The following ZNF568 variants were observed in gnomAD, a reference collection of about 807,000 sequenced individuals.
The protein encoded by ZNF568 is zinc finger protein 568.
ZNF568 carries 11 observed loss-of-function variants against 18.1 expected under a neutral mutation model. The observed-to-expected ratio is 0.61, with a 90% CI of 0.38 to 1.00. The LOEUF (loss-of-function observed/expected upper bound fraction) is 1.00. Among genes scored for constraint, ZNF568 ranks in the 50% least tolerant of loss-of-function variants. The pLI is 0.01. For missense variants in ZNF568, 639 were observed against 768.2 expected, an observed-to-expected ratio of 0.83 and a Z score of 1.99; for synonymous variants, 213 against 246.6, an observed-to-expected ratio of 0.86 and a Z score of 1.28.
intron 2 of ZNF568, among the ~76,000 whole-genome samples, chr19:36,986,294 T>C (rs1176487317): frequency 6.6e-6 from 1 of 152,092 alleles, no homozygotes; most frequent in Non-Finnish European, 1.5e-5. Context: ...CCCAGGTCTT[T>C]GTAGTATGGA....
downstream of ZNF568, among the ~76,000 whole-genome samples, chr19:36,957,294 C>T (rs979516284): frequency 7.2e-5 from 10 of 138,224 alleles, no homozygotes; most frequent in African/African-American, 2.7e-4. Flanking sequence ...TGCAGTGGCG[C>T]GATCTCGGCT....
exon 8 of ZNF568, chr19:36,979,401 T>C (rs2074313225): frequency 6.6e-6 from 1 of 152,344 alleles, no homozygotes; most frequent in African/African-American, 2.4e-5. Context: ...AGAAATCCCA[T>C]GTGTGCTTTG....
chr19:36,962,121 G>A (rs891364951), intron 6 of ZNF568, among the ~76,000 whole-genome samples: 1 of 141,450 alleles, frequency 7.1e-6, no homozygotes, highest in East Asian at 2.2e-4. Context: ...GTTGTTTTAT[G>A]TTTTTTTTTT....
At chr19:36,960,632 G>A (rs528390116) in intron 6 of ZNF568, among the ~76,000 whole-genome samples, 1 of 151,922 alleles carries the variant, frequency 6.6e-6, no homozygotes, top group African/African-American at 2.4e-5. Context: ...GGAGGCTGAG[G>A]CAGGAGAATC....
At position 36,952,663 on chromosome 19, in the gene ZNF568, C is replaced by A; in HGVS notation, c.*1575C>A. 2.4e-6 allele frequency: 1 copy of A among 412,962 alleles called. No individual in the cohort carries two copies. Among genetic ancestry groups the A allele is most frequent in the Non-Finnish European group, 3.3e-6 (1 of 306,998 alleles). 25.6% of individuals were successfully genotyped at this position (412,962 alleles called of 1,614,324 possible). On this transcript the variant is annotated 3_prime_UTR_variant, in exon 7 of 7. Transcript: ENST00000333987. ...TGATTAAAAGGAGACTTTAGCTTTGCTTGTAGTTTTTATACCTTAAAAAGA... is the reference window on the plus strand; with the variant it reads ...TGATTAAAAGGAGACTTTAGCTTTGATTGTAGTTTTTATACCTTAAAAAGA...
chr19:36,931,736 A>T (rs2073689853), intron 4 of ZNF568: 1 of 152,202 alleles, frequency 6.6e-6, no homozygotes, highest in African/African-American at 2.4e-5. Context: ...CTTTATTAAC[A>T]TATAAGTCAC....
intron 2 of ZNF568, among the ~76,000 whole-genome samples, chr19:36,989,342 C>G (rs951126626): frequency 2.6e-5 from 4 of 151,976 alleles, no homozygotes; most frequent in Non-Finnish European, 5.9e-5. Flanking sequence ...GCCACCATGC[C>G]CGGCTAATTT....
intron 7 of ZNF568, among the ~76,000 whole-genome samples, chr19:36,977,909 A>G (rs1347873450): frequency 6.6e-6 from 1 of 152,220 alleles, no homozygotes; most frequent in East Asian, 1.9e-4. Flanking sequence ...ATTCACCTGC[A>G]CTTACACTGG....
intron 2 of ZNF568, among the ~76,000 whole-genome samples, chr19:36,918,594 C>A (rs2073394683): frequency 6.6e-6 from 1 of 152,014 alleles, no homozygotes; most frequent in Non-Finnish European, 1.5e-5. Flanking sequence ...ATAAGGAGGA[C>A]CAACTATGTA....
At chr19:36,934,523 T>C (rs908633034) in intron 4 of ZNF568, among the ~76,000 whole-genome samples, 20 of 152,110 alleles carry the variant, frequency 1.3e-4, no homozygotes, top group Admixed American at 6.5e-5. Context: ...GGTTTTACCA[T>C]GTTGCTCAGG....
chr19:36,931,696 A>T (rs566362063), intron 4 of ZNF568: 1 of 152,284 alleles, frequency 6.6e-6, no homozygotes, highest in East Asian at 1.9e-4. Flanking sequence ...CTTTAAACAT[A>T]TTGAAATATA....
At chr19:36,922,557 G>A in intron 2 of ZNF568, 29 bp from the exon 3 acceptor site, 1 of 418,332 alleles carries the variant, frequency 2.4e-6, no homozygotes, top group Non-Finnish European at 4.3e-6. Flanking sequence ...AAGGCACCAG[G>A]TAAATTAGAT....
chr19:36,925,674 A>T (rs1029454755), intron 4 of ZNF568, among the ~76,000 whole-genome samples: 1 of 143,664 alleles, frequency 7.0e-6, no homozygotes, highest in Non-Finnish European at 1.5e-5. Flanking sequence ...GCAAATCAAA[A>T]ATACTTGAAA....
At chr19:36,918,617 T>C (rs994227067) in intron 2 of ZNF568, among the ~76,000 whole-genome samples, 2 of 152,200 alleles carry the variant, frequency 1.3e-5, no homozygotes, top group Non-Finnish European at 2.9e-5. Context: ...CACACATGTA[T>C]ATTTAATTGT....
intron 6 of ZNF568, among the ~76,000 whole-genome samples, chr19:36,960,588 G>GT (rs1424668255): frequency 6.6e-6 from 1 of 151,844 alleles, no homozygotes; most frequent in African/African-American, 2.4e-5. Context: ...AATTAGCTGG[G>GT]GTGGTGGCAC....
intron 6 of ZNF568, among the ~76,000 whole-genome samples, chr19:36,968,785 TAGAG>T (rs1381744926): frequency 1.3e-5 from 2 of 151,110 alleles, no homozygotes; most frequent in African/African-American, 2.4e-5. Flanking sequence ...TTTCAAATGG[TAGAG>T]AGAGAATCAA....
At chr19:36,991,162 AT>A in intron 2 of ZNF568, 1 of 1,525,380 alleles carries the variant, frequency 6.6e-7, no homozygotes, top group Non-Finnish European at 8.7e-7. Flanking sequence ...TGGTGTATTT[AT>A]TTTTGGTTTC....
chr19:36,991,906 G>A (rs1301726961), intron 4 of ZNF568: 13 of 1,377,500 alleles, frequency 9.4e-6, no homozygotes, highest in Non-Finnish European at 9.9e-7. Flanking sequence ...GCTCATCTGT[G>A]AGAAGGCAGC....
intron 6 of ZNF568, among the ~76,000 whole-genome samples, chr19:36,944,947 A>AT (rs1364306282): frequency 6.6e-6 from 1 of 152,120 alleles, no homozygotes; most frequent in Admixed American, 6.6e-5. Flanking sequence ...TTTCTATGTG[A>AT]TTATGACCCT....
Sources: allele counts gnomAD v4.1 joint callset (sites outside exome capture counted in the v4.1 genomes callset), GRCh38; gene constraint gnomAD v4.1.1; transcripts MANE v1.5; gene names NCBI Gene and HGNC (gene_info 2026-07-23, HGNC 2026-07-21).